FOXP1: variants seen among roughly 807,000 people sequenced by gnomAD.
The protein encoded by FOXP1 is forkhead box P1, also known as forkhead box protein P1.
FOXP1 carries 15 observed loss-of-function variants against 98.2 expected under a neutral mutation model. The ratio of observed to expected loss-of-function variants is 0.15; its 90% CI spans 0.10 to 0.24. The LOEUF (loss-of-function observed/expected upper bound fraction) is 0.24, where lower values mean the gene tolerates loss of function less well. Among genes scored for constraint, FOXP1 ranks in the 10% least tolerant of loss-of-function variants. The pLI is 1.00. For missense variants in FOXP1, 633 were observed against 848.5 expected (o/e 0.75, Z 3.15); for synonymous variants, 371 against 314.5 (o/e 1.18, Z -1.90).
chr3:70,965,951 T>C lies in FOXP1; in HGVS notation c.1828A>G (p.Met610Val), dbSNP rs751621278. 2 of 1,614,144 alleles carry C rather than the reference T, an allele frequency of 1.2e-6. No individual in the cohort carries two copies. Among genetic ancestry groups the C allele is most frequent in the South Asian group, 1.1e-5 (1 of 91,084 alleles). The change falls in exon 20 of 21, where the codon ATG becomes GTG. Residue 610 changes from methionine (M) to valine (V), a missense_variant. Transcript: ENST00000649528. The part of the protein sequence containing the change: ...SAIREELNGA[M>V]EHTNSNESDS... ...CTCTCGTTGCTGTTGGTATGCTCCA[T>C]TGCCCCGTTCAGCTCTTCCCGTATT...
intron 2 of FOXP1, among the ~76,000 whole-genome samples, chr3:71,564,015 G>A (rs2046731061): frequency 6.6e-6 from 1 of 152,230 alleles, no homozygotes; most frequent in Non-Finnish European, 1.5e-5. Flanking sequence ...CCATTTGAAT[G>A]AGGTTCCCTC....
intron 3 of FOXP1, among the ~76,000 whole-genome samples, chr3:71,366,159 G>T (rs148625903): frequency 1.3e-5 from 2 of 151,858 alleles, no homozygotes. Context: ...CGTTGTGGAT[G>T]GCAAAGCTCA....
intron 14 of FOXP1, among the ~76,000 whole-genome samples, chr3:70,986,223 T>C (rs1255988267): frequency 1.3e-5 from 2 of 152,216 alleles, no homozygotes; most frequent in East Asian, 3.9e-4. Context: ...AGAATCCCAA[T>C]GGTCCTTTTG....
At chr3:71,100,349 C>T (rs2056845750) in intron 7 of FOXP1, among the ~76,000 whole-genome samples, 1 of 152,212 alleles carries the variant, frequency 6.6e-6, no homozygotes, top group South Asian at 2.1e-4. Context: ...CGCTCTCAAA[C>T]AAACAACAAA....
intron 17 of FOXP1, 113 bp downstream of exon 17, chr3:70,976,828 G>C (rs2037668297): frequency 5.2e-6 from 4 of 765,968 alleles, no homozygotes; most frequent in Non-Finnish European, 9.2e-6. Flanking sequence ...GACACTTTAA[G>C]AGTATCAAAA....
At chr3:71,188,579 G>A (rs535867731) in intron 6 of FOXP1, among the ~76,000 whole-genome samples, 8 of 152,056 alleles carry the variant, frequency 5.3e-5, no homozygotes, top group African/African-American at 1.9e-4. Context: ...CAACACGCCC[G>A]GCTAATTTTT....
rs746403145 is a variant in FOXP1 at position 71,328,955 on chromosome 3, G to A, written c.-72-29075C>T. On this transcript the variant is annotated intron_variant, in intron 4 of 20. Transcript: ENST00000649528. ...CATTGCACTCCAGCCCGGGCAACAA[G>A]AGCGAAACTCCATCTCGCTAAAAAA... 3.1e-3 allele frequency among the ~76,000 whole-genome samples: 355 copies of A among 114,876 alleles called. 1 individual carries two copies. The highest frequency in any genetic ancestry group is 4.8e-3 in the Admixed American group (39 of 8,124). The allele number at this position is 114,876 out of a possible 152,430, so 75.4% of individuals were successfully genotyped here.
intron 5 of FOXP1, among the ~76,000 whole-genome samples, chr3:71,286,115 C>G (rs2072099996): frequency 6.6e-6 from 1 of 152,194 alleles, no homozygotes; most frequent in Admixed American, 6.5e-5. Flanking sequence ...ACTTCTCCTA[C>G]TTTATCTGCA....
At chr3:71,207,859 C>T (rs2064163181) in intron 5 of FOXP1, among the ~76,000 whole-genome samples, 3 of 152,246 alleles carry the variant, frequency 2.0e-5, no homozygotes, top group East Asian at 1.9e-4. Flanking sequence ...AAGGGACAAG[C>T]GTCATGTGCA....
At chr3:71,295,219 C>T (rs536026425) in intron 5 of FOXP1, among the ~76,000 whole-genome samples, 1 of 152,258 alleles carries the variant, frequency 6.6e-6, no homozygotes, top group South Asian at 2.1e-4. Context: ...ATAACAACTT[C>T]CTTAATTAAT....
intron 5 of FOXP1, among the ~76,000 whole-genome samples, chr3:71,213,393 C>G (rs1282284131): frequency 6.6e-6 from 1 of 152,172 alleles, no homozygotes; most frequent in Non-Finnish European, 1.5e-5. Flanking sequence ...ATTAAGCTAC[C>G]CTTCAAGACC....
intron 5 of FOXP1, among the ~76,000 whole-genome samples, chr3:71,259,447 C>T (rs1422591608): frequency 6.6e-6 from 1 of 152,122 alleles, no homozygotes; most frequent in Non-Finnish European, 1.5e-5. Flanking sequence ...TAAATATTAC[C>T]TCCTATCATT....
chr3:71,003,741 G>A (rs1202898781), intron 12 of FOXP1, among the ~76,000 whole-genome samples: 1 of 152,086 alleles, frequency 6.6e-6, no homozygotes, highest in Non-Finnish European at 1.5e-5. Flanking sequence ...ATGAATTACT[G>A]TTTGAAAATG....
At chr3:71,291,895 T>A (rs1004846861) in intron 5 of FOXP1, among the ~76,000 whole-genome samples, 16 of 151,418 alleles carry the variant, frequency 1.1e-4, no homozygotes, top group African/African-American at 3.6e-4. Flanking sequence ...TTAGTAGAGA[T>A]GGGGTTTCAC....
At chr3:71,492,398 G>A (rs928577757) in intron 3 of FOXP1, among the ~76,000 whole-genome samples, 16 of 151,280 alleles carry the variant, frequency 1.1e-4, no homozygotes, top group African/African-American at 3.7e-4. Flanking sequence ...GTTGCAGTGA[G>A]CCGAGATCGC....
At chr3:71,079,166 G>A (rs2054141808) in intron 7 of FOXP1, among the ~76,000 whole-genome samples, 4 of 152,052 alleles carry the variant, frequency 2.6e-5, no homozygotes, top group Admixed American at 2.6e-4. Flanking sequence ...TGAGCATGGT[G>A]GGACAGGTGT....
chr3:71,552,827 C>A (rs1461746417), intron 2 of FOXP1, among the ~76,000 whole-genome samples: 2 of 152,046 alleles, frequency 1.3e-5, no homozygotes, highest in African/African-American at 2.4e-5. Context: ...CTATTAGATT[C>A]TTTTGAAATT....
rs2031397406 is a variant in FOXP1 at position 70,954,873 on chromosome 3, T to C, written c.*4374A>G. 1 of 232,432 alleles carries C rather than the reference T, an allele frequency of 4.3e-6. No homozygotes were observed. Among genetic ancestry groups the C allele is most frequent in the South Asian group, 1.8e-4 (1 of 5,528 alleles). The allele number at this position is 232,432 out of a possible 1,614,324, so 14.4% of individuals were successfully genotyped here. On this transcript the variant is annotated 3_prime_UTR_variant, in exon 21 of 21. Transcript: ENST00000649528. ...AGGAATGAGTTTCTTTTATGCCTTA[T>C]CAAAACAAAACAAAACAAAACAAAA...
rs115964371 is a variant in FOXP1, at chr3:71,342,344, T to C, written c.-73+16806A>G. ...CCATATTATTCCTAGTCAAATGATC[T>C]AAGAAGGCAAAGCAGTGAAAAATCT... On this transcript the variant is annotated intron_variant, in intron 4 of 20. Coordinates refer to ENST00000649528, the MANE Select transcript of FOXP1 (RefSeq NM_001349338.3). Among the ~76,000 whole-genome samples, 1,057 of 152,238 alleles carry C rather than the reference T, an allele frequency of 6.9e-3. 30 individuals are homozygous for C. The highest frequency in any genetic ancestry group is 4.1e-3 in the Non-Finnish European group (281 of 68,002).
Sources: gnomAD v4.1 joint callset for allele counts (sites outside exome capture counted in the v4.1 genomes callset) on GRCh38, gnomAD v4.1.1 for gene constraint, MANE v1.5 for transcripts, NCBI Gene and HGNC (gene_info 2026-07-23, HGNC 2026-07-21) for gene names.